The following NME8 variants were observed in gnomAD, a reference collection of about 807,000 sequenced individuals.
The protein encoded by NME8 is protein NME8.
NME8 carries 72 observed loss-of-function variants against 82.3 expected under a neutral mutation model. That is an observed-to-expected ratio of 0.87 (90% CI 0.72 to 1.06). The LOEUF (loss-of-function observed/expected upper bound fraction) is 1.06, where lower values mean the gene tolerates loss of function less well. Ranked by LOEUF, NME8 falls within the 50% of genes least tolerant of loss-of-function variation. The pLI, the probability that NME8 is intolerant of heterozygous loss-of-function variation, is 0.00. For synonymous variants in NME8, 267 were observed against 228.5 expected (o/e 1.17, Z -1.52); for missense variants, 712 against 685.4 (o/e 1.04, Z -0.43).
rs202125278 is a variant in NME8 at position 37,897,079 on chromosome 7, C to T, written c.1754C>T (p.Pro585Leu). 6.2e-7 allele frequency: 1 copy of T among 1,607,510 alleles called. No individual in the cohort carries two copies. The highest frequency in any genetic ancestry group is 2.2e-5 in the East Asian group (1 of 44,832). ...KEVVNRLFED[P>L]EEN is the part of the protein sequence containing the mutation. Reference sequence around the variant, plus strand: ...GTTGTTAATAGACTCTTTGAGGATCCTGAGGAAAACTAAAGTATATACTGT... The same window carrying T: ...GTTGTTAATAGACTCTTTGAGGATCTTGAGGAAAACTAAAGTATATACTGT... The change falls in exon 17 of 18, where the codon CCT (proline) becomes CTT (leucine). Residue 585 changes from proline to leucine, a missense_variant. Transcript: ENST00000199447.
In NME8 at chr7:37,850,448, C is replaced by T. The variant is rs771877216; in HGVS notation, c.91+13C>T. On this transcript the variant is annotated intron_variant, in intron 4 of 17. Transcript: ENST00000199447. ...AAAGGCTTAACAGGTATAAGGACTC[C>T]CCGGCTGTCTGGCCACCTGGGGTTT... is the stretch of plus-strand genomic sequence containing the variant. 25 of 1,613,816 alleles carry T rather than the reference C, an allele frequency of 1.5e-5. No homozygotes were observed. In the South Asian group the frequency reaches 2.7e-4, roughly 18 times the overall value.
chr7:37,852,399 A>T (rs540782597), intron 5 of NME8, among the ~76,000 whole-genome samples: 2 of 152,238 alleles, frequency 1.3e-5, no homozygotes, highest in South Asian at 2.1e-4. Flanking sequence ...TCGGTGTTGT[A>T]CATTTTAGGG....
chr7:37,861,455 T>C (rs1033094623), intron 6 of NME8, among the ~76,000 whole-genome samples: 5 of 152,206 alleles, frequency 3.3e-5, no homozygotes, highest in Admixed American at 6.5e-5. Context: ...CCAAAACCCA[T>C]TCTTATAGGA....
At chr7:37,887,228 A>G (rs1046625618) in intron 14 of NME8, among the ~76,000 whole-genome samples, 2 of 152,152 alleles carry the variant, frequency 1.3e-5, no homozygotes, top group South Asian at 4.1e-4. Flanking sequence ...TCTAATGTGG[A>G]TGGTCTGGTA....
intron 5 of NME8, among the ~76,000 whole-genome samples, chr7:37,856,198 A>T (rs890974471): frequency 2.0e-5 from 3 of 152,234 alleles, no homozygotes; most frequent in Non-Finnish European, 4.4e-5. Context: ...CTTAGATTAC[A>T]AAAACCAACT....
chr7:37,867,761 AT>A lies in NME8; in HGVS notation c.682del (p.Ser228LeufsTer39), dbSNP rs1298298558. The A allele has an allele frequency of 6.2e-7, 1 of 1,613,788 alleles. No individual in the cohort carries two copies. Among genetic ancestry groups the A allele is most frequent in the Non-Finnish European group, 8.5e-7 (1 of 1,179,746 alleles). On this transcript the variant is annotated frameshift_variant, in exon 11 of 18. Coordinates refer to ENST00000199447, the MANE Select transcript of NME8 (RefSeq NM_016616.5). LOFTEE classifies it high-confidence loss of function. ...TSGLSYILVV[S>X]QGSKHNPPSE... ...GTGGCTTAAGCTATATTCTAGTTGT[AT>A]CTCAAGGAAGTAAACACAATCCTCC...
At chr7:37,868,039 A>G in intron 11 of NME8, 141 bp downstream of exon 11, 1 of 746,086 alleles carries the variant, frequency 1.3e-6, no homozygotes, top group Non-Finnish European at 2.3e-6. Context: ...AACATACTGT[A>G]TATTCAGAAG....
chr7:37,851,466 G>T (rs1381155816), intron 5 of NME8, among the ~76,000 whole-genome samples: 1 of 145,890 alleles, frequency 6.9e-6, no homozygotes, highest in Non-Finnish European at 1.5e-5. Context: ...GCTAATTAAG[G>T]ATTAATTATT....
intron 11 of NME8, among the ~76,000 whole-genome samples, chr7:37,870,992 C>T (rs919521199): frequency 1.2e-4 from 18 of 152,154 alleles, no homozygotes; most frequent in African/African-American, 4.3e-4. Flanking sequence ...AACTCTCATG[C>T]GTAATTTATT....
chr7:37,856,755 A>G (rs1784518283), intron 5 of NME8, among the ~76,000 whole-genome samples: 1 of 152,212 alleles, frequency 6.6e-6, no homozygotes, highest in Non-Finnish European at 1.5e-5. Context: ...CTTTTAATGT[A>G]TGGCCCTATG....
intron 10 of NME8, 23 bp from the exon 11 acceptor site, chr7:37,867,679 C>G (rs1386511174): frequency 6.3e-7 from 1 of 1,589,344 alleles, no homozygotes; most frequent in Admixed American, 1.7e-5. Flanking sequence ...CTGAAGGAAA[C>G]AGTTTATCAT....
At chr7:37,851,615 T>C (rs1455728131) in intron 5 of NME8, among the ~76,000 whole-genome samples, 1 of 152,162 alleles carries the variant, frequency 6.6e-6, no homozygotes, top group Non-Finnish European at 1.5e-5. Context: ...GAAATGATAA[T>C]ATTTTGGATG....
In NME8 at chr7:37,894,528, C is replaced by T. The variant is rs1401661149; in HGVS notation, c.1462C>T (p.Leu488=). The change falls in exon 16 of 18, where the codon CTA becomes TTA. Residue 488 remains leucine, a synonymous_variant. Coordinates refer to ENST00000199447, the MANE Select transcript of NME8 (RefSeq NM_016616.5). ...TCTGACACAGGTGAAGAAAATGTTC[C>T]TAACTCCTGAGCAAATAGAGAAAAT... The part of the protein sequence containing the change: ...FDLTQVKKMF[L]TPEQIEKIYP... The T allele has an allele frequency of 6.2e-7, 1 of 1,612,572 alleles. No homozygotes were observed. Among genetic ancestry groups the T allele is most frequent in the Non-Finnish European group, 8.5e-7 (1 of 1,179,062 alleles).
chr7:37,876,296 A>G (rs1272689060), intron 11 of NME8, among the ~76,000 whole-genome samples: 1 of 151,782 alleles, frequency 6.6e-6, no homozygotes, highest in Admixed American at 6.6e-5. Context: ...ATAAACATAT[A>G]TACAACCTTA....
intron 15 of NME8, among the ~76,000 whole-genome samples, chr7:37,890,491 C>A (rs148908350): frequency 1.3e-5 from 2 of 151,778 alleles, no homozygotes; most frequent in Non-Finnish European, 2.9e-5. Flanking sequence ...ATATACAATG[C>A]GATATTATTA....
intron 5 of NME8, among the ~76,000 whole-genome samples, chr7:37,853,035 G>A (rs971305969): frequency 9.2e-5 from 14 of 152,134 alleles, no homozygotes; most frequent in Non-Finnish European, 1.9e-4. Flanking sequence ...AGTGTGTAGT[G>A]GAATCACTTT....
rs141149150 is a variant in NME8, at chr7:37,850,236, TTTTC to T, written c.-7-16_-7-13del. On this transcript the variant is annotated intron_variant, in intron 2 of 17. Transcript: ENST00000199447. ...TTATTTAAATTTCCTACTTAAAAAT[TTTTC>T]TTTCTTTTTCCTATGATAGTAGATA... is the stretch of plus-strand genomic sequence containing the variant. 0.24 allele frequency: 388,202 copies of T among 1,595,572 alleles called. 49,317 individuals carry two copies. The highest frequency in any genetic ancestry group is 0.37 in the African/African-American group (27,246 of 74,348).
chr7:37,877,488 A>G (rs931038264), intron 12 of NME8, among the ~76,000 whole-genome samples: 14 of 152,244 alleles, frequency 9.2e-5, no homozygotes, highest in Admixed American at 6.5e-4. Context: ...GAACAAGAAC[A>G]CAAGTCATAA....
intron 14 of NME8, among the ~76,000 whole-genome samples, chr7:37,887,385 A>G (rs537669001): frequency 7.9e-5 from 12 of 152,306 alleles, no homozygotes; most frequent in South Asian, 6.2e-4. Flanking sequence ...GTCAAATGCC[A>G]TGTAATGCTT....
Sources: gnomAD v4.1 joint callset for allele counts (sites outside exome capture counted in the v4.1 genomes callset) on GRCh38, gnomAD v4.1.1 for gene constraint, MANE v1.5 for transcripts, NCBI Gene and HGNC (gene_info 2026-07-23, HGNC 2026-07-21) for gene names.